Variants in HDAC9 observed in about 807,000 individuals in gnomAD.
HDAC9 encodes the protein MEF-2 interacting transcription repressor (MITR) protein.
In HDAC9, 41 loss-of-function variants were observed where a neutral mutation model predicts 139.4. The ratio of observed to expected loss-of-function variants is 0.29; its 90% CI spans 0.23 to 0.38. HDAC9 has a LOEUF of 0.38. HDAC9 is among the 10% of genes least tolerant of loss of function. The pLI is 1.00. For synonymous variants in HDAC9, 517 were observed against 476.2 expected, an observed-to-expected ratio of 1.09 and a Z score of -1.12; for missense variants, 1,147 against 1,297.0, an observed-to-expected ratio of 0.88 and a Z score of 1.78.
chr7:18,384,256 C>T (rs1424250676), intron 1 of HDAC9, among the ~76,000 whole-genome samples: 4 of 151,808 alleles, frequency 2.6e-5, no homozygotes, highest in South Asian at 2.1e-4. Flanking sequence ...TGTGGTGACC[C>T]GTCACTGTGC....
At chr7:18,111,861 TG>T (rs1196513283) in intron 1 of HDAC9, among the ~76,000 whole-genome samples, 1 of 152,206 alleles carries the variant, frequency 6.6e-6, no homozygotes, top group African/African-American at 2.4e-5. Context: ...AGTTCCATGC[TG>T]GCTCTAGCAA....
intron 2 of HDAC9, among the ~76,000 whole-genome samples, chr7:18,227,411 T>A (rs1793130185): frequency 6.6e-6 from 1 of 152,216 alleles, no homozygotes; most frequent in Non-Finnish European, 1.5e-5. Context: ...AAGTTTAAGT[T>A]CATTTTTGGG....
chr7:18,701,922 CTG>C (rs1241815001), intron 12 of HDAC9, among the ~76,000 whole-genome samples: 7 of 152,234 alleles, frequency 4.6e-5, no homozygotes, highest in Admixed American at 2.0e-4. Context: ...CTCCAGTTTT[CTG>C]TGTTTCCATA....
intron 1 of HDAC9, among the ~76,000 whole-genome samples, chr7:18,354,730 C>G (rs1053859875): frequency 3.9e-5 from 6 of 152,116 alleles, no homozygotes; most frequent in Non-Finnish European, 8.8e-5. Context: ...TTCCCTTTGC[C>G]TTGATCCCAA....
At chr7:18,468,010 T>C (rs1794425568) in intron 1 of HDAC9, among the ~76,000 whole-genome samples, 1 of 152,156 alleles carries the variant, frequency 6.6e-6, no homozygotes, top group Non-Finnish European at 1.5e-5. Context: ...ACTTAGGTTA[T>C]AGGTGTTCAG....
intron 1 of HDAC9, among the ~76,000 whole-genome samples, chr7:18,333,723 T>C (rs1781378910): frequency 6.6e-6 from 1 of 151,420 alleles, no homozygotes; most frequent in African/African-American, 2.4e-5. Flanking sequence ...TTTAGGTATT[T>C]TTTAAGGTAA....
chr7:18,579,562 T>C (rs1390264537), intron 2 of HDAC9, among the ~76,000 whole-genome samples: 1 of 152,208 alleles, frequency 6.6e-6, no homozygotes, highest in East Asian at 1.9e-4. Context: ...AATTTTTAGT[T>C]CATATGTCGC....
chr7:18,867,621 G>C (rs1798592875), intron 21 of HDAC9, among the ~76,000 whole-genome samples: 1 of 151,834 alleles, frequency 6.6e-6, no homozygotes, highest in Admixed American at 6.6e-5. Context: ...TCTTTTTAAG[G>C]CTCTCTTAGG....
intron 25 of HDAC9, among the ~76,000 whole-genome samples, chr7:18,995,428 T>C (rs987116341): frequency 6.6e-6 from 1 of 152,252 alleles, no homozygotes; most frequent in Non-Finnish European, 1.5e-5. Context: ...GTTTTGGTTT[T>C]GCCTGCGCAG....
chr7:18,541,888 C>T (rs1813087321), intron 2 of HDAC9, among the ~76,000 whole-genome samples: 1 of 152,198 alleles, frequency 6.6e-6, no homozygotes, highest in Non-Finnish European at 1.5e-5. Flanking sequence ...ATCTTTCTCT[C>T]TGGCCTAGAC....
chr7:18,530,648 A>T (rs942683442), intron 2 of HDAC9, among the ~76,000 whole-genome samples: 1 of 152,088 alleles, frequency 6.6e-6, no homozygotes, highest in Non-Finnish European at 1.5e-5. Context: ...CAAAGTTCAG[A>T]AATAGGCTAT....
chr7:18,904,582 T>C lies in HDAC9; in HGVS notation c.2803+29986T>C, dbSNP rs1001246949. 1.2e-4 allele frequency among the ~76,000 whole-genome samples: 17 copies of C among 141,844 alleles called. 1 individual carries two copies. Among genetic ancestry groups the C allele is most frequent in the Non-Finnish European group, 2.5e-4 (16 of 64,724 alleles). The allele number at this position is 141,844 out of a possible 152,430, so 93.1% of individuals were successfully genotyped here. On this transcript the variant is annotated intron_variant, in intron 22 of 25. Transcript: ENST00000686413. ...CTACCCTCCCCATTTCTTTTTTTTTTTTTTTTTTTTTTTTTTAGATGGAGT... is the reference window on the plus strand; with the variant it reads ...CTACCCTCCCCATTTCTTTTTTTTTCTTTTTTTTTTTTTTTTAGATGGAGT...
At chr7:18,568,113 C>T (rs946194104) in intron 2 of HDAC9, among the ~76,000 whole-genome samples, 10 of 148,904 alleles carry the variant, frequency 6.7e-5, no homozygotes, top group Middle Eastern at 3.6e-3. Context: ...GTATGTCTTT[C>T]GCTATAATTT....
intron 22 of HDAC9, among the ~76,000 whole-genome samples, chr7:18,924,935 C>T (rs1285909711): frequency 6.6e-6 from 1 of 151,962 alleles, no homozygotes; most frequent in East Asian, 1.9e-4. Context: ...GGGAGTACTG[C>T]CATGAATTAA....
At chr7:18,930,619 T>A (rs75853516) in intron 22 of HDAC9, among the ~76,000 whole-genome samples, 2 of 151,442 alleles carry the variant, frequency 1.3e-5, no homozygotes, top group Non-Finnish European at 2.9e-5. Flanking sequence ...ATAATAAAAT[T>A]AAAAAAAAAT....
In HDAC9 at chr7:18,634,629, T is replaced by C. The variant is rs1783326717; in HGVS notation, c.799T>C (p.Ser267Pro). The part of the protein sequence containing the change: ...FKKRMFEVTE[S>P]SVSSSSPGSG... The stretch of plus-strand genomic sequence containing the variant: ...TTGTACTTCACAATATTTTTCAGAA[T>C]CCTCAGTCAGTAGCAGTTCTCCAGG... Residue 267 changes from serine (S) to proline (P), a missense_variant and splice_region_variant, in exon 8 of 26, where the codon TCC becomes CCC. This residue lies in a region of HDAC9 where 264 missense variants were observed against 273.8 expected (regional missense o/e 0.96). Transcript: ENST00000686413. 6.4e-7 allele frequency: 1 copy of C among 1,564,654 alleles called. No homozygotes were observed. Among genetic ancestry groups the C allele is most frequent in the South Asian group, 1.2e-5 (1 of 85,528 alleles).
intron 24 of HDAC9, among the ~76,000 whole-genome samples, chr7:18,958,112 G>A (rs539951640): frequency 2.6e-5 from 4 of 152,110 alleles, no homozygotes; most frequent in Non-Finnish European, 5.9e-5. Flanking sequence ...GATCATTTAT[G>A]TTGTCCTGTC....
chr7:18,532,194 G>A (rs953009903), intron 2 of HDAC9, among the ~76,000 whole-genome samples: 1 of 152,156 alleles, frequency 6.6e-6, no homozygotes, highest in African/African-American at 2.4e-5. Context: ...AGGTTGCAGT[G>A]AGCCCAGATC....
chr7:18,944,963 G>C (rs1231197198), intron 23 of HDAC9, among the ~76,000 whole-genome samples: 1 of 152,138 alleles, frequency 6.6e-6, no homozygotes, highest in Non-Finnish European at 1.5e-5. Flanking sequence ...CAGATAAAGG[G>C]AATTTTTCCA....
Sources: allele counts gnomAD v4.1 joint callset (sites outside exome capture counted in the v4.1 genomes callset), GRCh38; gene constraint gnomAD v4.1.1; regional missense constraint gnomAD v4.1.1; transcripts MANE v1.5; gene names NCBI Gene and HGNC (gene_info 2026-07-23, HGNC 2026-07-21).